Variants in BBX observed in about 807,000 individuals in gnomAD.
The protein encoded by BBX is BBX high mobility group box domain containing.
A neutral mutation model predicts 100.2 loss-of-function variants in BBX; 30 were observed. That is an observed-to-expected ratio of 0.30 (90% CI 0.22 to 0.41). The LOEUF (loss-of-function observed/expected upper bound fraction) is 0.41, where lower values mean the gene tolerates loss of function less well. Ranked by LOEUF, BBX falls within the 10% of genes least tolerant of loss-of-function variation. BBX has a pLI of 1.00. For synonymous variants in BBX, 376 were observed against 388.1 expected (o/e 0.97, Z 0.37); for missense variants, 1,023 against 1,129.8 (o/e 0.91, Z 1.35).
chr3:107,629,146 G>A (rs1018363953), intron 2 of BBX, among the ~76,000 whole-genome samples: 2 of 152,136 alleles, frequency 1.3e-5, no homozygotes, highest in Non-Finnish European at 2.9e-5. Context: ...TGTTTTGGGT[G>A]ATTTGAGTAG....
chr3:107,701,614 C>T lies in BBX; in HGVS notation c.-9-8838C>T, dbSNP rs190951940. On this transcript the variant is annotated intron_variant, in intron 3 of 17. Transcript: ENST00000325805. ...ATTTATAAACATAATTCATAGCTCA[C>T]CAAGTGCTCAGTAAATATGTATTCA... 2.0e-5 allele frequency among the ~76,000 whole-genome samples: 3 copies of T among 152,268 alleles called. No individual in the cohort carries two copies. In the East Asian group the frequency reaches 5.8e-4, roughly 29 times the overall value.
intron 7 of BBX, among the ~76,000 whole-genome samples, chr3:107,743,921 T>G (rs1395513372): frequency 4.9e-5 from 2 of 41,030 alleles, no homozygotes; most frequent in Admixed American, 2.1e-4. Flanking sequence ...TTTAGTGGTT[T>G]TTTTTTTTTT....
chr3:107,652,053 A>AT (rs2057870599), intron 3 of BBX, among the ~76,000 whole-genome samples: 1 of 152,130 alleles, frequency 6.6e-6, no homozygotes, highest in Non-Finnish European at 1.5e-5. Flanking sequence ...ACTTCTTTCT[A>AT]TTATATAGTC....
intron 2 of BBX, among the ~76,000 whole-genome samples, chr3:107,613,908 T>C (rs1313273269): frequency 6.6e-6 from 1 of 151,370 alleles, no homozygotes; most frequent in Non-Finnish European, 1.5e-5. Context: ...GAAAGAATGC[T>C]GTATAGCTGA....
chr3:107,690,093 A>G (rs1334904809), intron 3 of BBX, among the ~76,000 whole-genome samples: 1 of 152,200 alleles, frequency 6.6e-6, no homozygotes, highest in Non-Finnish European at 1.5e-5. Flanking sequence ...ATAAGAAAAT[A>G]TATTTGGAAC....
intron 2 of BBX, among the ~76,000 whole-genome samples, chr3:107,620,029 T>C (rs898092379): frequency 5.9e-5 from 9 of 152,184 alleles, no homozygotes; most frequent in African/African-American, 1.4e-4. Flanking sequence ...TGGATTTTAG[T>C]TCTTTTGTTA....
chr3:107,777,013 C>T (rs1045028884), intron 12 of BBX, among the ~76,000 whole-genome samples: 38 of 152,042 alleles, frequency 2.5e-4, no homozygotes, highest in Non-Finnish European at 5.1e-4. Context: ...TTGCTTTCTG[C>T]AGTTTTGGGT....
chr3:107,679,479 C>T (rs1399945899), intron 3 of BBX, among the ~76,000 whole-genome samples: 1 of 152,026 alleles, frequency 6.6e-6, no homozygotes, highest in African/African-American at 2.4e-5. Flanking sequence ...AGCCATTGAT[C>T]TAATGAACAT....
At position 107,774,928 on chromosome 3, in the gene BBX, A is replaced by T; in HGVS notation, c.2054+71A>T. The stretch of plus-strand genomic sequence containing the variant: ...TGTGGGTGGGATTTTCAAGGTAAAC[A>T]GATCACTAACTACGCATGCTTGTTC... On this transcript the variant is annotated intron_variant, in intron 12 of 17. Transcript: ENST00000325805. 6 of 1,548,366 alleles carry T rather than the reference A, an allele frequency of 3.9e-6. No homozygotes were observed. The South Asian group carries it at 5.0e-5, about 13-fold the overall frequency.
At position 107,531,486 on chromosome 3, in the gene BBX, G is replaced by A. The variant is rs554905013; in HGVS notation, c.-84+5088G>A. On this transcript the variant is annotated intron_variant, in intron 2 of 17. Coordinates refer to ENST00000325805, the MANE Select transcript of BBX (RefSeq NM_001142568.3). ...AATGAATGTAGGACCCTTATTCACA[G>A]TTAGCGCTCAATATATAGTCTCTGT... 9.9e-5 allele frequency among the ~76,000 whole-genome samples: 15 copies of A among 152,132 alleles called. No homozygotes were observed. The South Asian group carries it at 3.1e-3, about 32-fold the overall frequency.
chr3:107,574,398 G>A (rs1488562932), intron 2 of BBX, among the ~76,000 whole-genome samples: 2 of 152,108 alleles, frequency 1.3e-5, no homozygotes, highest in Non-Finnish European at 2.9e-5. Context: ...GCGACTTTAG[G>A]TTGATCTTTT....
chr3:107,567,942 C>T (rs1439247833), intron 2 of BBX, among the ~76,000 whole-genome samples: 3 of 151,566 alleles, frequency 2.0e-5, no homozygotes, highest in Middle Eastern at 3.2e-3. Context: ...GTATTTGTAG[C>T]TTCTCCCTAA....
chr3:107,531,800 G>T (rs1021900405), intron 2 of BBX, among the ~76,000 whole-genome samples: 1 of 152,082 alleles, frequency 6.6e-6, no homozygotes, highest in African/African-American at 2.4e-5. Context: ...GTAGAGTATG[G>T]GATGAGAGAA....
At chr3:107,721,882 A>G (rs1284569154) in intron 5 of BBX, among the ~76,000 whole-genome samples, 1 of 151,998 alleles carries the variant, frequency 6.6e-6, no homozygotes, top group Non-Finnish European at 1.5e-5. Context: ...AGCATTACAT[A>G]AAGTTTAAAA....
At chr3:107,575,199 TA>T (rs1435755006) in intron 2 of BBX, among the ~76,000 whole-genome samples, 2 of 152,214 alleles carry the variant, frequency 1.3e-5, no homozygotes, top group Admixed American at 1.3e-4. Flanking sequence ...TAATTTCAAT[TA>T]AAAATAGTAA....
chr3:107,568,616 G>T (rs759697115), intron 2 of BBX, among the ~76,000 whole-genome samples: 1 of 151,930 alleles, frequency 6.6e-6, no homozygotes, highest in African/African-American at 2.4e-5. Flanking sequence ...TCACCTCTTG[G>T]AATTGCCAAC....
intron 3 of BBX, among the ~76,000 whole-genome samples, chr3:107,665,647 G>A (rs1307583828): frequency 2.6e-5 from 4 of 152,052 alleles, no homozygotes; most frequent in African/African-American, 7.2e-5. Flanking sequence ...TTGGCTTCCC[G>A]ATTTCATTTA....
chr3:107,666,603 ATT>A (rs2058755540), intron 3 of BBX, among the ~76,000 whole-genome samples: 1 of 152,172 alleles, frequency 6.6e-6, no homozygotes, highest in African/African-American at 2.4e-5. Context: ...GTCTCGCTCT[ATT>A]GGCAGACTGG....
In BBX at chr3:107,795,146, G is replaced by C. The variant is rs779035477; in HGVS notation, c.2354-3377G>C. ...CCATTAGGTTGCGGGTTGTCGGGAG[G>C]AACTAGCTTGCTATCTTTGTACTCA... On this transcript the variant is annotated intron_variant, in intron 15 of 17. Transcript: ENST00000325805. Among the ~76,000 whole-genome samples the C allele has an allele frequency of 7.0e-4, 107 of 152,272 alleles. 1 individual carries two copies. The highest frequency in any genetic ancestry group is 6.2e-4 in the South Asian group (3 of 4,818).
Sources: gnomAD v4.1 joint callset for allele counts (sites outside exome capture counted in the v4.1 genomes callset) on GRCh38, gnomAD v4.1.1 for gene constraint, MANE v1.5 for transcripts, NCBI Gene and HGNC (gene_info 2026-07-23, HGNC 2026-07-21) for gene names.